Variants in DCHS2 observed in about 807,000 individuals in gnomAD.
DCHS2 encodes dachsous cadherin-related 2.
DCHS2 carries 142 observed loss-of-function variants against 182.4 expected under a neutral mutation model. The observed-to-expected ratio is 0.78, with a 90% CI of 0.68 to 0.89. DCHS2 has a LOEUF of 0.89. Among genes scored for constraint, DCHS2 ranks in the 40% least tolerant of loss-of-function variants. The pLI, the probability that DCHS2 is intolerant of heterozygous loss-of-function variation, is 0.00. For synonymous variants in DCHS2, 1,740 were observed against 1,663.3 expected, an observed-to-expected ratio of 1.05 and a Z score of -1.12; for missense variants, 4,319 against 4,198.6, an observed-to-expected ratio of 1.03 and a Z score of -0.79.
At chr4:154,290,634 G>A (rs976630520) in intron 13 of DCHS2, among the ~76,000 whole-genome samples, 1 of 151,808 alleles carries the variant, frequency 6.6e-6, no homozygotes, top group Non-Finnish European at 1.5e-5. Flanking sequence ...AACAAATCCA[G>A]ACATCTACAG....
intron 1 of DCHS2, among the ~76,000 whole-genome samples, chr4:154,399,294 T>C (rs1732060517): frequency 6.6e-6 from 1 of 152,182 alleles, no homozygotes. Context: ...CCAAATCAGA[T>C]GCCACGCAAG....
intron 7 of DCHS2, among the ~76,000 whole-genome samples, chr4:154,326,928 T>C (rs1429542117): frequency 2.6e-5 from 4 of 152,212 alleles, no homozygotes; most frequent in African/African-American, 9.6e-5. Flanking sequence ...CATTGAACAT[T>C]TGATTGAAAT....
At chr4:154,429,373 A>G (rs1733467487) in intron 1 of DCHS2, among the ~76,000 whole-genome samples, 1 of 152,186 alleles carries the variant, frequency 6.6e-6, no homozygotes, top group African/African-American at 2.4e-5. Flanking sequence ...ATGGGACGCC[A>G]AGTCCTACTT....
Position 154,320,808 on chromosome 4 carries a change from C to T in DCHS2, c.4591G>A (p.Val1531Ile). The T allele has an allele frequency of 1.1e-5, 17 of 1,614,078 alleles. No individual in the cohort carries two copies. Among genetic ancestry groups the T allele is most frequent in the Non-Finnish European group, 1.4e-5 (17 of 1,179,996 alleles). The change falls in exon 9 of 20, where the codon GTC becomes ATC. Residue 1531 changes from valine (V) to isoleucine (I), a missense_variant. By Grantham distance (29) the Val-to-Ile change is conservative. Transcript: ENST00000357232. ...ENVPIGTLVYVFNAKDDDGSF... is the reference protein window; with the variant it reads ...ENVPIGTLVYIFNAKDDDGSF... ...CCGTCATCATCTTTGGCATTGAAGA[C>T]ATACACCAGGGTTCCTATGGGAACA...
intron 13 of DCHS2, among the ~76,000 whole-genome samples, chr4:154,274,286 C>G (rs1271337428): frequency 1.3e-5 from 2 of 152,182 alleles, no homozygotes; most frequent in African/African-American, 4.8e-5. Context: ...AAAAACCCCA[C>G]TATATTGGTT....
intron 14 of DCHS2, 22 bp downstream of exon 14, chr4:154,269,878 G>A: frequency 1.2e-6 from 2 of 1,603,120 alleles, no homozygotes; most frequent in East Asian, 2.2e-5. Context: ...AATAAAGCTA[G>A]TATAGGGTAG....
intron 3 of DCHS2, among the ~76,000 whole-genome samples, chr4:154,365,795 C>A (rs910999511): frequency 6.6e-6 from 1 of 151,732 alleles, no homozygotes; most frequent in Non-Finnish European, 1.5e-5. Context: ...ATTACAGGCG[C>A]CCACCACCAC....
chr4:154,386,173 A>G (rs1351843486), intron 1 of DCHS2, among the ~76,000 whole-genome samples: 4 of 152,212 alleles, frequency 2.6e-5, no homozygotes, highest in Non-Finnish European at 5.9e-5. Context: ...TCTCTTGCTA[A>G]GAATCTTTCA....
chr4:154,287,723 C>T (rs1734468850), intron 13 of DCHS2, among the ~76,000 whole-genome samples: 2 of 152,058 alleles, frequency 1.3e-5, no homozygotes, highest in South Asian at 2.1e-4. Flanking sequence ...CTCAAGTGAT[C>T]CACCTGCCTC....
chr4:154,417,278 C>A (rs1397623799), intron 1 of DCHS2, among the ~76,000 whole-genome samples: 2 of 144,430 alleles, frequency 1.4e-5, no homozygotes, highest in African/African-American at 5.1e-5. Flanking sequence ...GGGAGTCATT[C>A]TTCCCGTTTA....
At chr4:154,422,547 C>T (rs960379111) in intron 1 of DCHS2, among the ~76,000 whole-genome samples, 1 of 152,190 alleles carries the variant, frequency 6.6e-6, no homozygotes, top group Admixed American at 6.5e-5. Context: ...AGTTTCCATT[C>T]TTGGTCCCCA....
intron 1 of DCHS2, among the ~76,000 whole-genome samples, chr4:154,423,466 A>T (rs1733194350): frequency 6.6e-6 from 1 of 152,206 alleles, no homozygotes; most frequent in Non-Finnish European, 1.5e-5. Flanking sequence ...GTCCTACAAA[A>T]CCAGAAACCA....
chr4:154,291,008 T>G (rs146722696), intron 13 of DCHS2, among the ~76,000 whole-genome samples: 2,294 of 152,034 alleles, frequency 0.015, 24 homozygotes, highest in Non-Finnish European at 0.023. Flanking sequence ...GACAACCCAC[T>G]GAAGGGAGAA....
chr4:154,300,081 A>T (rs1469062799), intron 12 of DCHS2, among the ~76,000 whole-genome samples: 1 of 152,210 alleles, frequency 6.6e-6, no homozygotes, highest in Non-Finnish European at 1.5e-5. Flanking sequence ...ATGCAGAGGA[A>T]AGAGCCCGTG....
At chr4:154,297,181 T>C (rs1734962884) in intron 13 of DCHS2, among the ~76,000 whole-genome samples, 1 of 152,218 alleles carries the variant, frequency 6.6e-6, no homozygotes, top group Non-Finnish European at 1.5e-5. Flanking sequence ...CAGGTGTGGA[T>C]TAATTACATC....
At chr4:154,353,970 C>A (rs10028929) in intron 3 of DCHS2, among the ~76,000 whole-genome samples, 131,800 of 152,210 alleles carry the variant, frequency 0.87, 57,103 homozygotes, top group South Asian at 0.93. Context: ...TCTGTCACCC[C>A]GGCTAGAGTG....
At chr4:154,392,071 C>T (rs1459325051) in intron 1 of DCHS2, among the ~76,000 whole-genome samples, 5 of 152,052 alleles carry the variant, frequency 3.3e-5, no homozygotes, top group African/African-American at 4.8e-5. Context: ...TTACACTGAG[C>T]CTGATTTACT....
At chr4:154,336,204 T>C (rs1228048918) in intron 3 of DCHS2, among the ~76,000 whole-genome samples, 2 of 152,186 alleles carry the variant, frequency 1.3e-5, no homozygotes, top group African/African-American at 4.8e-5. Context: ...CTTAGGCTTA[T>C]GCATGTAGAG....
chr4:154,413,331 T>C (rs1026579375), intron 1 of DCHS2, among the ~76,000 whole-genome samples: 3 of 152,238 alleles, frequency 2.0e-5, no homozygotes, highest in Non-Finnish European at 4.4e-5. Context: ...TTAAGAGTTA[T>C]GGTGTAGATG....
Sources: allele counts gnomAD v4.1 joint callset (sites outside exome capture counted in the v4.1 genomes callset), GRCh38; gene constraint gnomAD v4.1.1; transcripts MANE v1.5; gene names NCBI Gene and HGNC (gene_info 2026-07-23, HGNC 2026-07-21).